The following CLIC5 variants were observed in gnomAD, a reference collection of about 807,000 sequenced individuals.
CLIC5 encodes chloride intracellular channel protein 5.
A neutral mutation model predicts 24.7 loss-of-function variants in CLIC5; 20 were observed. That is an observed-to-expected ratio of 0.81 (90% CI 0.57 to 1.18). The LOEUF is 1.18. Ranked by LOEUF, CLIC5 falls within the 50% of genes most tolerant of loss-of-function variation. The probability of loss-of-function intolerance (pLI) is 0.00; values close to 1 mark genes in which losing one functional copy is unlikely to be tolerated. For synonymous variants in CLIC5, 159 were observed against 135.6 expected (o/e 1.17, Z -1.20); for missense variants, 341 against 326.1 (o/e 1.05, Z -0.35).
chr6:46,066,213 G>A (rs1762439225), intron 1 of CLIC5, among the ~76,000 whole-genome samples: 1 of 152,048 alleles, frequency 6.6e-6, no homozygotes, highest in Non-Finnish European at 1.5e-5. Flanking sequence ...CGGGGGCAGG[G>A]GGCAATGTCA....
chr6:45,909,726 A>C (rs991838420), intron 5 of CLIC5, among the ~76,000 whole-genome samples: 2 of 152,066 alleles, frequency 1.3e-5, no homozygotes, highest in African/African-American at 4.8e-5. Context: ...TTTGGCATTG[A>C]CCTTGGACAG....
At chr6:45,928,862 G>C (rs1420980523) in intron 4 of CLIC5, among the ~76,000 whole-genome samples, 1 of 151,910 alleles carries the variant, frequency 6.6e-6, no homozygotes, top group Non-Finnish European at 1.5e-5. Flanking sequence ...AAGAGGTGTT[G>C]GTTGCATAGG....
chr6:45,957,849 G>C (rs1345010221), intron 1 of CLIC5, among the ~76,000 whole-genome samples: 1 of 152,084 alleles, frequency 6.6e-6, no homozygotes, highest in Admixed American at 6.6e-5. Context: ...GATCTGTGAC[G>C]ACCATCTGAA....
At chr6:45,996,188 C>T (rs991443251) in intron 1 of CLIC5, among the ~76,000 whole-genome samples, 3 of 151,270 alleles carry the variant, frequency 2.0e-5, no homozygotes, top group African/African-American at 7.3e-5. Context: ...CCACGGAACT[C>T]ACTCTAGCTA....
intron 1 of CLIC5, among the ~76,000 whole-genome samples, chr6:45,984,983 C>T (rs1206643842): frequency 2.0e-5 from 3 of 152,192 alleles, no homozygotes; most frequent in Admixed American, 6.5e-5. Flanking sequence ...ATTTGGCACA[C>T]TCATACTCTT....
rs1479810321 is a variant in CLIC5, at chr6:45,971,640, T to C, written c.64-16396A>G. 2.0e-5 allele frequency among the ~76,000 whole-genome samples: 3 copies of C among 152,202 alleles called. No individual in the cohort carries two copies. The East Asian group carries it at 5.8e-4, about 29-fold the overall frequency. The stretch of plus-strand genomic sequence containing the variant: ...TTGTTTTTTGATGGAGCCTCAGGAA[T>C]GGCAAAGAAACATTGCAACTTGTGC... On this transcript the variant is annotated intron_variant, in intron 1 of 5. Coordinates refer to ENST00000339561, the MANE Select transcript of CLIC5 (RefSeq NM_016929.5).
intron 1 of CLIC5, among the ~76,000 whole-genome samples, chr6:45,956,255 A>T (rs16874046): frequency 1.3e-5 from 2 of 152,276 alleles, no homozygotes; most frequent in South Asian, 2.1e-4. Context: ...ATTCATTTCC[A>T]TAGGGTGGTT....
intron 1 of CLIC5, among the ~76,000 whole-genome samples, chr6:46,047,793 C>T (rs576882650): frequency 6.6e-6 from 1 of 152,044 alleles, no homozygotes; most frequent in East Asian, 1.9e-4. Context: ...CAGGATATTA[C>T]AAAATCATTG....
At chr6:45,966,416 T>A (rs2027275) in intron 1 of CLIC5, among the ~76,000 whole-genome samples, 71,360 of 151,892 alleles carry the variant, frequency 0.47, 18,010 homozygotes, top group East Asian at 0.79. Flanking sequence ...TTTCCCTCAA[T>A]GTTCTCGAGG....
the CLIC5 span, among the ~76,000 whole-genome samples, chr6:46,086,808 G>A: frequency 6.6e-6 from 1 of 152,146 alleles, no homozygotes; most frequent in African/African-American, 2.4e-5. Flanking sequence ...TGGGCACAGG[G>A]AGGGAACTGT....
At chr6:45,924,359 A>G (rs1763392927) in intron 4 of CLIC5, among the ~76,000 whole-genome samples, 2 of 152,288 alleles carry the variant, frequency 1.3e-5, no homozygotes, top group South Asian at 4.1e-4. Context: ...CAGATATGCT[A>G]CAAGTACACC....
intron 4 of CLIC5, among the ~76,000 whole-genome samples, chr6:45,940,749 A>G (rs1764100777): frequency 6.6e-6 from 1 of 152,194 alleles, no homozygotes; most frequent in East Asian, 1.9e-4. Flanking sequence ...ATAAAAATCC[A>G]AGCCCCCCAG....
At chr6:45,883,177 C>T (rs1762277219) in intron 6 of CLIC5, among the ~76,000 whole-genome samples, 1 of 152,176 alleles carries the variant, frequency 6.6e-6, no homozygotes, top group Admixed American at 6.5e-5. Context: ...GGAACGAGTT[C>T]CACAGTGGGG....
At chr6:46,014,743 T>G (rs1423308664) in intron 1 of CLIC5, 2 of 152,232 alleles carry the variant, frequency 1.3e-5, no homozygotes, top group Non-Finnish European at 2.9e-5. Context: ...GTACAGCAGC[T>G]CTGACATTAG....
chr6:46,068,719 C>T (rs894366673), intron 1 of CLIC5, among the ~76,000 whole-genome samples: 7 of 151,946 alleles, frequency 4.6e-5, no homozygotes, highest in African/African-American at 1.5e-4. Context: ...GACTGGTGTT[C>T]TTATAAGAAG....
chr6:45,921,726 C>T (rs576548043), intron 4 of CLIC5, among the ~76,000 whole-genome samples: 1 of 152,278 alleles, frequency 6.6e-6, no homozygotes, highest in East Asian at 1.9e-4. Context: ...ATGAAGCTTG[C>T]TCTTGACTTT....
chr6:46,041,845 G>A (rs1767817068), intron 1 of CLIC5, among the ~76,000 whole-genome samples: 1 of 152,178 alleles, frequency 6.6e-6, no homozygotes, highest in South Asian at 2.1e-4. Flanking sequence ...ATATGGCAGA[G>A]TGCCTGACAC....
At chr6:45,991,476 C>T (rs1182328459) in intron 1 of CLIC5, among the ~76,000 whole-genome samples, 1 of 152,234 alleles carries the variant, frequency 6.6e-6, no homozygotes, top group African/African-American at 2.4e-5. Flanking sequence ...GACACCTTGA[C>T]TGTAGCCTGT....
chr6:45,892,017 G>A (rs1048601818), intron 6 of CLIC5: 1 of 152,100 alleles, frequency 6.6e-6, no homozygotes, highest in Non-Finnish European at 1.5e-5. Context: ...CATACTGTGT[G>A]CTACCTGCTT....
Sources: gnomAD v4.1 joint callset for allele counts (sites outside exome capture counted in the v4.1 genomes callset) on GRCh38, gnomAD v4.1.1 for gene constraint, MANE v1.5 for transcripts, NCBI Gene and HGNC (gene_info 2026-07-23, HGNC 2026-07-21) for gene names.